TBC1D9: variants seen among roughly 807,000 people sequenced by gnomAD.
The protein encoded by TBC1D9 is TBC1 domain family member 9.
In TBC1D9, 63 loss-of-function variants were observed where a neutral mutation model predicts 132.0. The observed-to-expected ratio is 0.48, with a 90% CI of 0.39 to 0.59. The LOEUF is 0.59. Ranked by LOEUF, TBC1D9 falls within the 20% of genes least tolerant of loss-of-function variation. The pLI is 0.00. For missense variants in TBC1D9, 1,261 were observed against 1,592.7 expected (o/e 0.79, Z 3.54); for synonymous variants, 610 against 609.9 (o/e 1.00, Z 0.00).
intron 3 of TBC1D9, among the ~76,000 whole-genome samples, chr4:140,681,167 G>C (rs1379097069): frequency 6.6e-6 from 1 of 152,008 alleles, no homozygotes; most frequent in African/African-American, 2.4e-5. Context: ...GGCACCCTTG[G>C]GGCCTGAACA....
intron 1 of TBC1D9, among the ~76,000 whole-genome samples, chr4:140,743,915 G>T (rs886296209): frequency 6.6e-6 from 1 of 152,136 alleles, no homozygotes; most frequent in African/African-American, 2.4e-5. Flanking sequence ...TTTCTAGGAC[G>T]CTTGGAGTAA....
intron 16 of TBC1D9, among the ~76,000 whole-genome samples, chr4:140,630,775 G>A (rs1256942290): frequency 6.6e-6 from 1 of 152,172 alleles, no homozygotes; most frequent in African/African-American, 2.4e-5. Flanking sequence ...CATTCAGTAA[G>A]TGTACTCTGC....
intron 1 of TBC1D9, among the ~76,000 whole-genome samples, chr4:140,725,158 G>A (rs534675028): frequency 2.6e-5 from 4 of 152,104 alleles, no homozygotes; most frequent in East Asian, 1.9e-4. Flanking sequence ...TAGAATAAAC[G>A]TCCATTAACA....
chr4:140,625,261 G>C (rs1736686386), intron 18 of TBC1D9, among the ~76,000 whole-genome samples: 1 of 151,920 alleles, frequency 6.6e-6, no homozygotes, highest in Non-Finnish European at 1.5e-5. Flanking sequence ...TGGCAGAAGA[G>C]AGAAAATTTT....
chr4:140,668,651 A>G (rs558513596), intron 9 of TBC1D9, among the ~76,000 whole-genome samples: 125 of 152,366 alleles, frequency 8.2e-4, no homozygotes, highest in African/African-American at 2.9e-3. Context: ...TTATTCCTAA[A>G]TAGCCTGACT....
chr4:140,686,511 T>A (rs771277923), intron 2 of TBC1D9, 49 bp from the exon 3 acceptor site: 3 of 1,251,674 alleles, frequency 2.4e-6, no homozygotes, highest in Non-Finnish European at 3.5e-6. Flanking sequence ...GCCAAAGATA[T>A]TTTAAAAACC....
chr4:140,686,663 T>C (rs1737786965), intron 2 of TBC1D9, among the ~76,000 whole-genome samples: 1 of 152,082 alleles, frequency 6.6e-6, no homozygotes, highest in South Asian at 2.1e-4. Flanking sequence ...AATATTATAA[T>C]CAAGTTGTGT....
chr4:140,681,133 G>A (rs559363031), intron 3 of TBC1D9, among the ~76,000 whole-genome samples: 9 of 152,230 alleles, frequency 5.9e-5, no homozygotes, highest in Non-Finnish European at 1.3e-4. Context: ...TGTCCCGTTA[G>A]TAACTGTGCT....
chr4:140,696,455 CAAAAAAAA>C (rs35713619), intron 2 of TBC1D9, among the ~76,000 whole-genome samples: 1 of 61,576 alleles, frequency 1.6e-5, no homozygotes, highest in Non-Finnish European at 2.8e-5. Context: ...GAGTCCGTCT[CAAAAAAAA>C]AAAAAAAAAA....
chr4:140,642,378 G>T, intron 13 of TBC1D9: 2 of 839,848 alleles, frequency 2.4e-6, no homozygotes, highest in South Asian at 1.4e-5. Context: ...TTCTCTGGAA[G>T]ATTTCAGAGA....
chr4:140,657,338 C>A, intron 12 of TBC1D9, 112 bp from the exon 13 acceptor site: 2 of 1,414,438 alleles, frequency 1.4e-6, no homozygotes, highest in Non-Finnish European at 9.6e-7. Flanking sequence ...ACTAGAGTTT[C>A]TTTAAAGATG....
intron 1 of TBC1D9, among the ~76,000 whole-genome samples, chr4:140,731,566 T>C (rs1172143586): frequency 6.6e-6 from 1 of 152,038 alleles, no homozygotes; most frequent in Non-Finnish European, 1.5e-5. Context: ...ACCAAAATGA[T>C]TGATTCACAA....
At chr4:140,678,475 A>C (rs1019319036) in intron 5 of TBC1D9, among the ~76,000 whole-genome samples, 1 of 152,050 alleles carries the variant, frequency 6.6e-6, no homozygotes, top group African/African-American at 2.4e-5. Context: ...TCCTCATCCC[A>C]TGCCCTGCCA....
chr4:140,638,538 A>G (rs963193854), intron 15 of TBC1D9, among the ~76,000 whole-genome samples: 1 of 151,828 alleles, frequency 6.6e-6, no homozygotes, highest in African/African-American at 2.4e-5. Context: ...GAAAAATATA[A>G]AAGTTAGCCG....
At chr4:140,645,687 C>T (rs1361788776) in intron 13 of TBC1D9, among the ~76,000 whole-genome samples, 1 of 152,182 alleles carries the variant, frequency 6.6e-6, no homozygotes, top group African/African-American at 2.4e-5. Flanking sequence ...CCTCTAAGCC[C>T]TTCATGCTCT....
At chr4:140,669,968 G>A (rs912388588) in intron 7 of TBC1D9, among the ~76,000 whole-genome samples, 164 bp from the exon 8 acceptor site, 1 of 152,200 alleles carries the variant, frequency 6.6e-6, no homozygotes, top group Non-Finnish European at 1.5e-5. Flanking sequence ...ATTTTGGCAG[G>A]GATTAGACAG....
At chr4:140,732,126 T>C (rs1738602967) in intron 1 of TBC1D9, among the ~76,000 whole-genome samples, 2 of 152,230 alleles carry the variant, frequency 1.3e-5, no homozygotes, top group Non-Finnish European at 2.9e-5. Flanking sequence ...ACTAGTCTGC[T>C]GTCCCTAGAA....
In TBC1D9 at chr4:140,645,212, C is replaced by T. The variant is rs1737084801; in HGVS notation, c.2338-5784G>A. On this transcript the variant is annotated intron_variant, in intron 13 of 20. Transcript: ENST00000442267. ...CTCAGTCCAGCCAGGCCCCCAGCAG[C>T]CATTACTCCTGGTGTCTGGCCCGGT... 3 of 541,716 alleles carry T rather than the reference C, an allele frequency of 5.5e-6. No individual in the cohort carries two copies. The Admixed American group carries it at 5.9e-5, about 11-fold the overall frequency. The allele number at this position is 541,716 out of a possible 1,614,324, so 33.6% of individuals were successfully genotyped here. A position where few individuals can be genotyped will look rare whatever the true frequency, so the allele number is the denominator to read the frequency against.
intron 1 of TBC1D9, among the ~76,000 whole-genome samples, chr4:140,746,865 C>A (rs1390972859): frequency 3.3e-5 from 5 of 152,092 alleles, no homozygotes; most frequent in African/African-American, 1.2e-4. Context: ...GCATATCAGT[C>A]TTGTAAAGAA....
Sources: gnomAD v4.1 joint callset for allele counts (sites outside exome capture counted in the v4.1 genomes callset) on GRCh38, gnomAD v4.1.1 for gene constraint, MANE v1.5 for transcripts, NCBI Gene and HGNC (gene_info 2026-07-23, HGNC 2026-07-21) for gene names.